PCGF5: variants seen among roughly 807,000 people sequenced by gnomAD.
The protein encoded by PCGF5 is polycomb group RING finger protein 5.
PCGF5 carries 9 observed loss-of-function variants against 44.3 expected under a neutral mutation model. That is an observed-to-expected ratio of 0.20 (90% CI 0.12 to 0.35). PCGF5 has a LOEUF of 0.35. PCGF5 is among the 10% of genes least tolerant of loss of function. PCGF5 has a pLI of 1.00. For missense variants in PCGF5, 146 were observed against 305.3 expected, an observed-to-expected ratio of 0.48 and a Z score of 3.89; for synonymous variants, 95 against 102.5, an observed-to-expected ratio of 0.93 and a Z score of 0.44.
chr10:91,213,514 G>A (rs780631552), intron 1 of PCGF5, among the ~76,000 whole-genome samples: 1 of 151,986 alleles, frequency 6.6e-6, no homozygotes, highest in Non-Finnish European at 1.5e-5. Context: ...GCCCAGGCTG[G>A]AGTGCAATGG....
chr10:91,197,996 A>C (rs1844174029), intron 1 of PCGF5, among the ~76,000 whole-genome samples: 1 of 152,196 alleles, frequency 6.6e-6, no homozygotes, highest in Non-Finnish European at 1.5e-5. Context: ...GTGAATCCAC[A>C]TCAGTGAACA....
rs11402069 is a variant in PCGF5, at chr10:91,237,742, T to TAA, written c.113-2729_113-2728dup. 1.5e-3 allele frequency among the ~76,000 whole-genome samples: 216 copies of TAA among 143,908 alleles called. 6 individuals carry two copies. In the South Asian group the frequency reaches 0.031, roughly 21 times the overall value. The allele number at this position is 143,908 out of a possible 152,430, so 94.4% of individuals were successfully genotyped here. On this transcript the variant is annotated intron_variant, in intron 2 of 9. Transcript: ENST00000336126. ...CTAGGCGACAGAGTGAGAATCCATC[T>TAA]AAAAAAAAAAAAAATTGCATCAGAA...
At chr10:91,225,262 T>C (rs888136704) in intron 2 of PCGF5, among the ~76,000 whole-genome samples, 2 of 147,574 alleles carry the variant, frequency 1.4e-5, no homozygotes, top group Non-Finnish European at 3.0e-5. Flanking sequence ...ATCGTATATA[T>C]GTATATACGA....
intron 1 of PCGF5, among the ~76,000 whole-genome samples, chr10:91,207,354 A>G (rs556384989): frequency 4.3e-4 from 66 of 152,316 alleles, no homozygotes; most frequent in African/African-American, 1.3e-3. Context: ...AAAGTTGCCA[A>G]AATCTTTCAA....
the PCGF5 span, among the ~76,000 whole-genome samples, chr10:91,157,667 G>A: frequency 1.3e-3 from 198 of 152,330 alleles, 1 homozygote; most frequent in African/African-American, 4.6e-3. Context: ...TAATCCTAAA[G>A]AGCCCAATGG....
chr10:91,209,377 G>A (rs1844406423), intron 1 of PCGF5, among the ~76,000 whole-genome samples: 1 of 152,172 alleles, frequency 6.6e-6, no homozygotes, highest in Admixed American at 6.5e-5. Context: ...GGGAGGCTAA[G>A]GTAGGAGGAT....
At chr10:91,166,281 G>A (rs112562834) in intron 1 of PCGF5, among the ~76,000 whole-genome samples, 45 of 152,238 alleles carry the variant, frequency 3.0e-4, no homozygotes, top group African/African-American at 1.1e-3. Flanking sequence ...ACTCTCAGAG[G>A]GAAAAATAAT....
intron 3 of PCGF5, among the ~76,000 whole-genome samples, chr10:91,241,055 A>AAT (rs1845311788): frequency 6.7e-6 from 1 of 148,356 alleles, no homozygotes; most frequent in South Asian, 2.1e-4. Context: ...ATATATATAT[A>AAT]ATATATATTT....
chr10:91,264,940 A>G (rs1846012148), intron 8 of PCGF5, among the ~76,000 whole-genome samples: 2 of 152,092 alleles, frequency 1.3e-5, no homozygotes, highest in Admixed American at 6.6e-5. Flanking sequence ...GTAGAATCTA[A>G]ATAATCTTCT....
At chr10:91,209,865 A>G (rs919161979) in intron 1 of PCGF5, among the ~76,000 whole-genome samples, 4 of 152,228 alleles carry the variant, frequency 2.6e-5, no homozygotes, top group African/African-American at 4.8e-5. Context: ...GTAGCTATCA[A>G]TGGGCATTAG....
At chr10:91,217,586 A>G (rs1844567399), upstream of PCGF5, among the ~76,000 whole-genome samples, 2 of 152,310 alleles carry the variant, frequency 1.3e-5, no homozygotes, top group Non-Finnish European at 2.9e-5. Flanking sequence ...AGGAGTTATT[A>G]AGAGCCATTT....
chr10:91,170,479 T>C (rs1843583886), intron 1 of PCGF5, among the ~76,000 whole-genome samples: 1 of 152,210 alleles, frequency 6.6e-6, no homozygotes, highest in South Asian at 2.1e-4. Context: ...CCAGAGAAGA[T>C]ACACAGATGG....
chr10:91,246,688 G>A (rs924094314), intron 3 of PCGF5, among the ~76,000 whole-genome samples: 1 of 152,086 alleles, frequency 6.6e-6, no homozygotes, highest in African/African-American at 2.4e-5. Flanking sequence ...GTGGCTTGGT[G>A]AGTAAATGTG....
chr10:91,276,150 CTA>C (rs1468241213), intron 9 of PCGF5, among the ~76,000 whole-genome samples: 1 of 150,916 alleles, frequency 6.6e-6, no homozygotes, highest in African/African-American at 2.4e-5. Context: ...GGAATATACA[CTA>C]AAATTATTAT....
At chr10:91,211,623 A>G (rs1844453634) in intron 1 of PCGF5, among the ~76,000 whole-genome samples, 2 of 152,162 alleles carry the variant, frequency 1.3e-5, no homozygotes, top group Non-Finnish European at 2.9e-5. Context: ...AGAGATTCCT[A>G]TGAGGTAGAA....
At chr10:91,269,015 G>A (rs562719355) in intron 8 of PCGF5, among the ~76,000 whole-genome samples, 12 of 152,188 alleles carry the variant, frequency 7.9e-5, no homozygotes, top group African/African-American at 2.6e-4. Context: ...AAAAAAACAT[G>A]CTTCTTGATC....
intron 6 of PCGF5, among the ~76,000 whole-genome samples, chr10:91,259,302 A>G (rs1845834521): frequency 6.6e-6 from 1 of 152,134 alleles, no homozygotes; most frequent in Non-Finnish European, 1.5e-5. Flanking sequence ...TTTCTGGGGC[A>G]TGCTGTGGCC....
At position 91,237,774 on chromosome 10, in the gene PCGF5, A is replaced by C. The variant is rs1054963398; in HGVS notation, c.113-2710A>C. Among the ~76,000 whole-genome samples, 4 of 152,038 alleles carry C rather than the reference A, an allele frequency of 2.6e-5. No individual in the cohort carries two copies. In the East Asian group the frequency reaches 7.7e-4, roughly 29 times the overall value. On this transcript the variant is annotated intron_variant, in intron 2 of 9. Transcript: ENST00000336126. ...AAAAAAAATTGCATCAGAAAACCTG[A>C]ATTTATGTCTTTTTGCTGCCATTCA...
intron 2 of PCGF5, among the ~76,000 whole-genome samples, chr10:91,229,958 G>T (rs946977258): frequency 6.6e-6 from 1 of 152,048 alleles, no homozygotes; most frequent in Non-Finnish European, 1.5e-5. Context: ...TCATGAAAAT[G>T]ATTATAATGT....
Sources: gnomAD v4.1 joint callset for allele counts (sites outside exome capture counted in the v4.1 genomes callset) on GRCh38, gnomAD v4.1.1 for gene constraint, MANE v1.5 for transcripts, NCBI Gene and HGNC (gene_info 2026-07-23, HGNC 2026-07-21) for gene names.